The following HPSE2 variants were observed in gnomAD, a reference collection of about 807,000 sequenced individuals.
The protein encoded by HPSE2 is heparanase 2 (inactive).
HPSE2 carries 38 observed loss-of-function variants against 60.5 expected under a neutral mutation model. The ratio of observed to expected loss-of-function variants is 0.63; its 90% confidence interval spans 0.48 to 0.82. The LOEUF (loss-of-function observed/expected upper bound fraction) is 0.82, where lower values mean the gene tolerates loss of function less well. HPSE2 is among the 40% of genes least tolerant of loss of function. The pLI, the probability that HPSE2 is intolerant of heterozygous loss-of-function variation, is 0.00. For synonymous variants in HPSE2, 295 were observed against 293.2 expected, an observed-to-expected ratio of 1.01 and a Z score of -0.06; for missense variants, 713 against 740.4, an observed-to-expected ratio of 0.96 and a Z score of 0.43.
At chr10:98,476,015 C>T (rs1940998489) in intron 11 of HPSE2, among the ~76,000 whole-genome samples, 1 of 151,926 alleles carries the variant, frequency 6.6e-6, no homozygotes, top group Non-Finnish European at 1.5e-5. Context: ...TATAAAGACA[C>T]ATGCACACGT....
At chr10:98,810,754 A>T (rs1305300530) in intron 3 of HPSE2, among the ~76,000 whole-genome samples, 1 of 152,050 alleles carries the variant, frequency 6.6e-6, no homozygotes, top group Non-Finnish European at 1.5e-5. Flanking sequence ...ACAGTTGATG[A>T]ACTAAAAAAA....
chr10:98,560,917 CATA>C (rs1944156624), intron 9 of HPSE2, among the ~76,000 whole-genome samples: 5 of 152,056 alleles, frequency 3.3e-5, no homozygotes, highest in Non-Finnish European at 5.9e-5. Flanking sequence ...ATGTATAGTG[CATA>C]ATATTTGATA....
At chr10:98,898,647 G>A (rs1480908802) in intron 3 of HPSE2, among the ~76,000 whole-genome samples, 1 of 151,962 alleles carries the variant, frequency 6.6e-6, no homozygotes, top group African/African-American at 2.4e-5. Context: ...ATAGCAGTAG[G>A]TACATGACAC....
chr10:98,858,982 G>C (rs1589959764), intron 3 of HPSE2, among the ~76,000 whole-genome samples: 1 of 152,258 alleles, frequency 6.6e-6, no homozygotes, highest in African/African-American at 2.4e-5. Context: ...GGGCTGGAGT[G>C]CAGTGGCACA....
At chr10:98,825,264 A>C (rs2134629996) in intron 3 of HPSE2, among the ~76,000 whole-genome samples, 1 of 152,298 alleles carries the variant, frequency 6.6e-6, no homozygotes, top group East Asian at 1.9e-4. Flanking sequence ...AGGAAAAAGT[A>C]GGTATTACTA....
At chr10:98,606,382 G>T (rs1945586931) in intron 9 of HPSE2, among the ~76,000 whole-genome samples, 1 of 152,198 alleles carries the variant, frequency 6.6e-6, no homozygotes. Flanking sequence ...CAACACCTGG[G>T]ATCCTCTACG....
Position 99,191,733 on chromosome 10 carries a change from C to T in HPSE2, c.448+40615G>A, listed in dbSNP as rs149767666. ...ACGCCCAGACACCAACGAACATCCACAACCATCAACAACATCCAGGAAAAT... is the reference window on the plus strand; with the variant it reads ...ACGCCCAGACACCAACGAACATCCATAACCATCAACAACATCCAGGAAAAT... On this transcript the variant is annotated intron_variant, in intron 2 of 11. Transcript: ENST00000370552. Among the ~76,000 whole-genome samples the T allele has an allele frequency of 6.6e-5, 10 of 152,326 alleles. No individual in the cohort carries two copies. In the East Asian group the frequency reaches 1.9e-3, roughly 29 times the overall value.
chr10:98,464,478 G>A (rs1005085153), intron 11 of HPSE2, among the ~76,000 whole-genome samples: 28 of 152,312 alleles, frequency 1.8e-4, no homozygotes, highest in South Asian at 1.5e-3. Flanking sequence ...TCCTTGCAGC[G>A]TCTGTGTAGG....
chr10:98,804,363 ATGTT>A (rs1950991520), intron 3 of HPSE2, among the ~76,000 whole-genome samples: 1 of 151,472 alleles, frequency 6.6e-6, no homozygotes, highest in South Asian at 2.1e-4. Flanking sequence ...ATAAGAGAAA[ATGTT>A]TGCAAACTCC....
At chr10:98,827,293 T>C (rs2785222) in intron 3 of HPSE2, among the ~76,000 whole-genome samples, 130,312 of 151,938 alleles carry the variant, frequency 0.86, 56,264 homozygotes, top group African/African-American at 0.95. Context: ...ACAAGCTCTG[T>C]GTCCTGGGTT....
rs548416122 is a variant in HPSE2 at position 98,881,488 on chromosome 10, T to C, written c.611-137432A>G. Reference sequence around the variant, plus strand: ...ATACACATATAGCTAAATGATTGGTTACTTGATGGGAAGAGATGTTTGCAT... The same window carrying C: ...ATACACATATAGCTAAATGATTGGTCACTTGATGGGAAGAGATGTTTGCAT... On this transcript the variant is annotated intron_variant, in intron 3 of 11. Coordinates refer to ENST00000370552, the MANE Select transcript of HPSE2 (RefSeq NM_021828.5). Among the ~76,000 whole-genome samples, 25 of 152,226 alleles carry C rather than the reference T, an allele frequency of 1.6e-4. No homozygotes were observed. In the South Asian group the frequency reaches 5.0e-3, roughly 30 times the overall value.
intron 2 of HPSE2, among the ~76,000 whole-genome samples, chr10:99,160,200 T>C (rs1394803233): frequency 2.0e-5 from 3 of 151,568 alleles, no homozygotes; most frequent in African/African-American, 7.3e-5. Flanking sequence ...ACATATATGA[T>C]AAAATATATA....
At chr10:99,246,159 A>G in the HPSE2 span, among the ~76,000 whole-genome samples, 1 of 152,258 alleles carries the variant, frequency 6.6e-6, no homozygotes, top group Non-Finnish European at 1.5e-5. Context: ...AAAAGAAAAT[A>G]AAACAAAAAG....
rs141774572 is a variant in HPSE2 at position 98,576,116 on chromosome 10, T to C, written c.1320+38788A>G. ...AGGTAAAAAATGAATTCCGAAATAA[T>C]TGGAATAATAATATATTAAGCTACA... is the stretch of plus-strand genomic sequence containing the variant. On this transcript the variant is annotated intron_variant, in intron 9 of 11. Transcript: ENST00000370552. Among the ~76,000 whole-genome samples, 4 of 152,222 alleles carry C rather than the reference T, an allele frequency of 2.6e-5. No individual in the cohort carries two copies. The East Asian group carries it at 7.7e-4, about 29-fold the overall frequency.
chr10:99,150,324 A>T (rs1219878159), intron 2 of HPSE2, among the ~76,000 whole-genome samples: 1 of 152,128 alleles, frequency 6.6e-6, no homozygotes, highest in Non-Finnish European at 1.5e-5. Context: ...AGACTGGCAG[A>T]CCAGCCAAAA....
At chr10:98,486,117 A>G (rs1020615746) in intron 10 of HPSE2, among the ~76,000 whole-genome samples, 28 of 152,280 alleles carry the variant, frequency 1.8e-4, no homozygotes, top group African/African-American at 6.5e-4. Context: ...TGCCTCAGCC[A>G]TCCCTCTCCC....
At chr10:98,696,292 T>TAAAA (rs71009706) in intron 5 of HPSE2, among the ~76,000 whole-genome samples, 11 of 89,654 alleles carry the variant, frequency 1.2e-4, no homozygotes, top group African/African-American at 2.1e-4. Context: ...GAGGCTCCCA[T>TAAAA]AAAAAAAAAA....
chr10:98,663,184 T>C (rs1403444740), intron 6 of HPSE2, among the ~76,000 whole-genome samples: 1 of 152,148 alleles, frequency 6.6e-6, no homozygotes, highest in Non-Finnish European at 1.5e-5. Context: ...TTCCTTTAGT[T>C]CCCTCATTCA....
intron 9 of HPSE2, among the ~76,000 whole-genome samples, chr10:98,503,504 C>T (rs577019383): frequency 6.6e-6 from 1 of 152,224 alleles, no homozygotes; most frequent in South Asian, 2.1e-4. Context: ...TCCAGCAATC[C>T]CACTACTGGG....
Sources: gnomAD v4.1 joint callset for allele counts (sites outside exome capture counted in the v4.1 genomes callset) on GRCh38, gnomAD v4.1.1 for gene constraint, MANE v1.5 for transcripts, NCBI Gene and HGNC (gene_info 2026-07-23, HGNC 2026-07-21) for gene names.